PIEZO2: variants seen among roughly 807,000 people sequenced by gnomAD.
PIEZO2 encodes the protein piezo type mechanosensitive ion channel component 2.
A neutral mutation model predicts 337.3 loss-of-function variants in PIEZO2; 172 were observed. The observed-to-expected ratio is 0.51, with a 90% CI of 0.45 to 0.58. The LOEUF is 0.58. Ranked by LOEUF, PIEZO2 falls within the 20% of genes least tolerant of loss-of-function variation. The pLI, the probability that PIEZO2 is intolerant of heterozygous loss-of-function variation, is 0.00. For synonymous variants in PIEZO2, 1,251 were observed against 1,228.5 expected (o/e 1.02, Z -0.38); for missense variants, 3,028 against 3,391.3 (o/e 0.89, Z 2.66).
rs532352125 is a variant in PIEZO2, at chr18:11,061,660, C to T, written c.160+4467G>A. Among the ~76,000 whole-genome samples, 4 of 151,778 alleles carry T rather than the reference C, an allele frequency of 2.6e-5. No homozygotes were observed. The South Asian group carries it at 8.3e-4, about 32-fold the overall frequency. ...ATGAGTGAACTCCCATTCACAATTG[C>T]TTCAAAGAGAATAAAATACCTAGGA... is the stretch of plus-strand genomic sequence containing the variant. On this transcript the variant is annotated intron_variant, in intron 2 of 55. Transcript: ENST00000674853.
At position 10,748,088 on chromosome 18, in the gene PIEZO2, G is replaced by A. The variant is rs921308249; in HGVS notation, c.4424+383C>T. ...ATGCAAATTGTGTCAGTGGCTCAGAGAAGAAAAGCAGGTTAGTAGGGGGAG... is the reference window on the plus strand; with the variant it reads ...ATGCAAATTGTGTCAGTGGCTCAGAAAAGAAAAGCAGGTTAGTAGGGGGAG... On this transcript the variant is annotated intron_variant, in intron 30 of 55. Coordinates refer to ENST00000674853, the MANE Select transcript of PIEZO2 (RefSeq NM_001378183.1). This position sits in a 1 kb window ranked among gnomAD's most constrained non-coding sequence, Gnocchi z 5.1. Among the ~76,000 whole-genome samples, 2 of 152,192 alleles carry A rather than the reference G, an allele frequency of 1.3e-5. No homozygotes were observed. The highest frequency in any genetic ancestry group is 4.8e-5 in the African/African-American group (2 of 41,444).
At chr18:11,088,253 C>G (rs1178698575) in intron 1 of PIEZO2, among the ~76,000 whole-genome samples, 1 of 152,164 alleles carries the variant, frequency 6.6e-6, no homozygotes, top group African/African-American at 2.4e-5. Context: ...GTTACCAAGT[C>G]TCAGTAAGCA....
In PIEZO2 at chr18:10,861,486, T is replaced by A. The variant is rs1201919322; in HGVS notation, c.493-4275A>T. On this transcript the variant is annotated intron_variant, in intron 5 of 55. Coordinates refer to ENST00000674853, the MANE Select transcript of PIEZO2 (RefSeq NM_001378183.1). This position sits in a 1 kb window ranked among gnomAD's most constrained non-coding sequence, Gnocchi z 4.3. The stretch of plus-strand genomic sequence containing the variant: ...TAAATCTAAAGAAGAATATGCTAAT[T>A]GAAATAAGCCAGGCACAGAAAGACA... Among the ~76,000 whole-genome samples, 1 of 152,220 alleles carries A rather than the reference T, an allele frequency of 6.6e-6. No homozygotes were observed. Among genetic ancestry groups the A allele is most frequent in the African/African-American group, 2.4e-5 (1 of 41,454 alleles).
In PIEZO2 at chr18:10,991,234, A is replaced by AT. The variant is rs201097706; in HGVS notation, c.161-11575dup. Among the ~76,000 whole-genome samples, 3 of 149,726 alleles carry AT rather than the reference A, an allele frequency of 2.0e-5. No individual in the cohort carries two copies. In the East Asian group the frequency reaches 5.9e-4, roughly 29 times the overall value. The stretch of plus-strand genomic sequence containing the variant: ...TATATATACACACACACACACACAC[A>AT]TTTTTTTTTCTTATACTTTAAGTTC... On this transcript the variant is annotated intron_variant, in intron 2 of 55. Transcript: ENST00000674853.
At chr18:11,022,738 T>C (rs542900486) in intron 2 of PIEZO2, among the ~76,000 whole-genome samples, 37 of 152,344 alleles carry the variant, frequency 2.4e-4, no homozygotes, top group African/African-American at 8.9e-4. Context: ...TATAAAATAC[T>C]ATGACCTTAC....
rs879859656 is a variant in PIEZO2, at chr18:11,028,813, C to T, written c.160+37314G>A. Among the ~76,000 whole-genome samples the T allele has an allele frequency of 6.6e-6, 1 of 152,096 alleles. No homozygotes were observed. Among genetic ancestry groups the T allele is most frequent in the South Asian group, 2.1e-4 (1 of 4,824 alleles). The stretch of plus-strand genomic sequence containing the variant: ...CTCATCAGGATTAGTCTTTCTTGTG[C>T]TTGGTACTCTATATAATACCTATTG... On this transcript the variant is annotated intron_variant, in intron 2 of 55. Coordinates refer to ENST00000674853, the MANE Select transcript of PIEZO2 (RefSeq NM_001378183.1). The surrounding 1 kb of genome is among the most constrained non-coding windows in gnomAD (Gnocchi z 4.8).
intron 7 of PIEZO2, among the ~76,000 whole-genome samples, chr18:10,811,239 T>G (rs1233952291): frequency 6.6e-6 from 1 of 152,194 alleles, no homozygotes; most frequent in Non-Finnish European, 1.5e-5. Flanking sequence ...GATTTCTCCT[T>G]CTTAGATTCA....
At chr18:11,005,863 C>T (rs775279540) in intron 2 of PIEZO2, among the ~76,000 whole-genome samples, 4 of 152,208 alleles carry the variant, frequency 2.6e-5, no homozygotes, top group East Asian at 1.9e-4. Context: ...TGTATGTACA[C>T]GCAAAGAGCA....
rs1340683560 is a variant in PIEZO2, at chr18:10,736,656, T to C, written c.4763A>G (p.Glu1588Gly). The change falls in exon 34 of 56, where the codon GAG (glutamate) becomes GGG (glycine). Residue 1588 changes from glutamate to glycine, a missense_variant. Physicochemically the swap from Glu to Gly is moderately conservative, Grantham distance 98. Coordinates refer to ENST00000674853, the MANE Select transcript of PIEZO2 (RefSeq NM_001378183.1). ...LFETDSEEEE[E>G]EELKKEDEEP... ...TTCATCTTCCTTCTTTAATTCTTCC[T>C]CTTCCTCCTCTTCACTATCCGTTTC... 1.5e-5 allele frequency: 23 copies of C among 1,537,000 alleles called. 1 individual carries two copies. The South Asian group carries it at 2.3e-4, about 15-fold the overall frequency.
intron 3 of PIEZO2, among the ~76,000 whole-genome samples, chr18:10,920,407 A>G (rs1441893404): frequency 3.9e-5 from 6 of 152,182 alleles, no homozygotes; most frequent in Non-Finnish European, 1.5e-5. Flanking sequence ...CCTGGCAATT[A>G]TACAATATGA....
intron 45 of PIEZO2, among the ~76,000 whole-genome samples, chr18:10,697,125 T>A (rs1246066094): frequency 6.6e-6 from 1 of 152,198 alleles, no homozygotes; most frequent in Non-Finnish European, 1.5e-5. Flanking sequence ...TGTGCCTTAG[T>A]GTGGTGTCCT....
At chr18:11,006,808 T>TA (rs1284613123) in intron 2 of PIEZO2, among the ~76,000 whole-genome samples, 3 of 152,128 alleles carry the variant, frequency 2.0e-5, no homozygotes. Context: ...ATGTTCTTAG[T>TA]AAAAAAATTA....
chr18:10,998,011 A>T (rs965485470), intron 2 of PIEZO2, among the ~76,000 whole-genome samples: 1 of 152,200 alleles, frequency 6.6e-6, no homozygotes, highest in African/African-American at 2.4e-5. Flanking sequence ...GAATGAAAAC[A>T]GAGAAAAATG....
At chr18:11,049,160 G>A (rs565182218) in intron 2 of PIEZO2, among the ~76,000 whole-genome samples, 1 of 152,216 alleles carries the variant, frequency 6.6e-6, no homozygotes, top group East Asian at 1.9e-4. Flanking sequence ...TCCTCTTGAG[G>A]GCTTTATCCA....
rs1405368557 is a variant in PIEZO2, at chr18:10,803,992, C to T, written c.1083G>A (p.Val361=). 6.5e-7 allele frequency: 1 copy of T among 1,537,310 alleles called. No individual in the cohort carries two copies. Among genetic ancestry groups the T allele is most frequent in the Non-Finnish European group, 8.7e-7 (1 of 1,146,936 alleles). The change falls in exon 9 of 56, where the codon GTG becomes GTA. Residue 361 remains valine (V), a splice_region_variant and synonymous_variant. Coordinates refer to ENST00000674853, the MANE Select transcript of PIEZO2 (RefSeq NM_001378183.1). ...CCTCTTCTTTGGTCCCCTCATCCTG[C>T]ACCTGAAACACAGAAACAGGATCAG... ...LIRIWLQEPL[V]QDEGTKEEDK... is the part of the protein sequence containing the mutation.
intron 2 of PIEZO2, among the ~76,000 whole-genome samples, chr18:11,057,294 T>C (rs1231984045): frequency 6.6e-6 from 1 of 152,204 alleles, no homozygotes; most frequent in Non-Finnish European, 1.5e-5. Context: ...ATCCTTTCTG[T>C]TTAATGTTCT....
Position 10,682,399 on chromosome 18 carries a change from G to A in PIEZO2, c.7498-107C>T, listed in dbSNP as rs2034306171. The stretch of plus-strand genomic sequence containing the variant: ...CTCTTCCTGTGGTGCTGGGAACATG[G>A]ATTTGGCCCTGAATCTTCTCTGTTC... On this transcript the variant is annotated intron_variant, in intron 49 of 55. Transcript: ENST00000674853. This position sits in a 1 kb window ranked among gnomAD's most constrained non-coding sequence, Gnocchi z 5.6. 5 of 1,004,908 alleles carry A rather than the reference G, an allele frequency of 5.0e-6. No homozygotes were observed. In the Admixed American group the frequency reaches 1.4e-4, roughly 28 times the overall value. 62.2% of individuals were successfully genotyped at this position (1,004,908 alleles called of 1,614,324 possible).
chr18:10,991,387 C>G (rs2035094875), intron 2 of PIEZO2, among the ~76,000 whole-genome samples: 1 of 148,974 alleles, frequency 6.7e-6, no homozygotes, highest in Non-Finnish European at 1.5e-5. Context: ...CCTTGCCCCC[C>G]ACCCCCCGAC....
In PIEZO2 at chr18:10,944,843, GAC is replaced by G. The variant is rs146654018; in HGVS notation, c.287-33617_287-33616del. 6.1e-4 allele frequency among the ~76,000 whole-genome samples: 92 copies of G among 152,038 alleles called. No homozygotes were observed. The East Asian group carries it at 0.017, about 28-fold the overall frequency. ...AAATTTATGAAACAAGTATTTTCAA[GAC>G]ACTGAATTTCAGGCAACGAAAGACA... On this transcript the variant is annotated intron_variant, in intron 3 of 55. Transcript: ENST00000674853.
Sources: gnomAD v4.1 joint callset for allele counts (sites outside exome capture counted in the v4.1 genomes callset) on GRCh38, gnomAD v4.1.1 for gene constraint, Gnocchi (gnomAD v3.1) non-coding constraint, MANE v1.5 for transcripts, NCBI Gene and HGNC (gene_info 2026-07-23, HGNC 2026-07-21) for gene names.